KPRP: variants seen among roughly 807,000 people sequenced by gnomAD.
The protein encoded by KPRP is keratinocyte proline rich protein, also known as keratinocyte proline-rich protein.
For missense variants in KPRP, 820 were observed against 746.4 expected (o/e 1.10, Z -1.15); for synonymous variants, 282 against 276.9 (o/e 1.02, Z -0.18).
At position 152,760,016 on chromosome 1, in the gene KPRP, CT is replaced by C; in HGVS notation, c.430del (p.Cys144ValfsTer3). 1 of 1,614,174 alleles carries C rather than the reference CT, an allele frequency of 6.2e-7. No individual in the cohort carries two copies. Among genetic ancestry groups the C allele is most frequent in the Non-Finnish European group, 8.5e-7 (1 of 1,180,030 alleles). On this transcript the variant is annotated frameshift_variant, in exon 1 of 1. Coordinates refer to ENST00000606109, the Ensembl canonical transcript of KPRP. LOFTEE classifies it low-confidence loss of function (END_TRUNC). The stretch of plus-strand genomic sequence containing the variant: ...TGTGCTCCAGTTTGTTATACAGAAA[CT>C]TGTTATGTAGAATGCCCAGTCCAGA...
chr1:152,761,482 A>ACC, exon 1 of KPRP: 3 of 1,383,058 alleles, frequency 2.2e-6, no homozygotes, highest in Admixed American at 2.9e-5. Flanking sequence ...CCTATCATCC[A>ACC]AAGATCCACA....
exon 1 of KPRP, chr1:152,761,631 C>A: frequency 3.1e-6 from 1 of 319,108 alleles, no homozygotes; most frequent in Non-Finnish European, 6.2e-6. Context: ...TGCCTCCAAG[C>A]CTCTGCTCAC....
chr1:152,760,707 C>G (rs111350576), exon 1 of KPRP: 2 of 1,613,678 alleles, frequency 1.2e-6, no homozygotes, highest in Non-Finnish European at 1.7e-6. Context: ...TGAGGCCACA[C>G]GTAGAGCCAC....
At chr1:152,760,104 C>T in exon 1 of KPRP, 1 of 1,614,160 alleles carries the variant, frequency 6.2e-7, no homozygotes, top group South Asian at 1.1e-5. Flanking sequence ...CTGCAGTGTG[C>T]CAGCCTCAGG....
At chr1:152,760,645 C>G (rs748914180) in exon 1 of KPRP, 10 of 1,610,994 alleles carry the variant, frequency 6.2e-6, no homozygotes, top group Admixed American at 3.3e-5. Context: ...CATCAGACGC[C>G]GCTCCCAGAG....
exon 1 of KPRP, chr1:152,760,706 A>T (rs756020108): frequency 6.2e-7 from 1 of 1,613,840 alleles, no homozygotes; most frequent in Non-Finnish European, 8.5e-7. Flanking sequence ...CTGAGGCCAC[A>T]CGTAGAGCCA....
rs545233716 is a variant in KPRP at position 152,761,247 on chromosome 1, G to GC, written c.1660dup (p.Arg554ProfsTer31). ...GTGGGCCTGGTGATGTGTTTCCAGA[G>GC]CGGAGGGGTCAGGATGGCCATGGAG... On this transcript the variant is annotated frameshift_variant, in exon 1 of 1. Transcript: ENST00000606109. LOFTEE classifies it low-confidence loss of function (END_TRUNC). 2.3e-3 allele frequency: 3,693 copies of GC among 1,614,202 alleles called. 11 individuals are homozygous for GC. The highest frequency in any genetic ancestry group is 6.5e-3 in the South Asian group (589 of 91,088).
chr1:152,761,428 A>G (rs1284987442), exon 1 of KPRP: 2 of 1,472,866 alleles, frequency 1.4e-6, no homozygotes, highest in East Asian at 2.4e-5. Context: ...CTCCAAAGAT[A>G]TTCAGAGACT....
exon 1 of KPRP, chr1:152,760,262 C>T (rs779368488): frequency 6.2e-7 from 1 of 1,614,042 alleles, no homozygotes. Context: ...CGGTCCCGGA[C>T]TTCATTTAGT....
exon 1 of KPRP, chr1:152,761,111 C>T: frequency 6.2e-7 from 1 of 1,614,172 alleles, no homozygotes; most frequent in Non-Finnish European, 8.5e-7. Flanking sequence ...AATCCAGTTC[C>T]ATACCCAGGA....
At chr1:152,760,253 G>C (rs1242733211) in exon 1 of KPRP, 3 of 1,613,994 alleles carry the variant, frequency 1.9e-6, no homozygotes, top group Non-Finnish European at 2.5e-6. Flanking sequence ...CCTCAGTATC[G>C]GTCCCGGACT....
Position 152,760,007 on chromosome 1 carries a change from A to T in KPRP, c.419A>T (p.Tyr140Phe), listed in dbSNP as rs538446338. 2 of 1,614,060 alleles carry T rather than the reference A, an allele frequency of 1.2e-6. No homozygotes were observed. Among genetic ancestry groups the T allele is most frequent in the African/African-American group, 2.7e-5 (2 of 74,910 alleles). The change falls in exon 1 of 1, where the codon TAT becomes TTT. Residue 140 changes from tyrosine to phenylalanine, a missense_variant. Transcript: ENST00000606109. The stretch of plus-strand genomic sequence containing the variant: ...TTCGTAGAATGTGCTCCAGTTTGTT[A>T]TACAGAAACTTGTTATGTAGAATGC...
At chr1:152,760,009 A>C in exon 1 of KPRP, 2 of 1,614,174 alleles carry the variant, frequency 1.2e-6, no homozygotes, top group Non-Finnish European at 1.7e-6. Flanking sequence ...AGTTTGTTAT[A>C]CAGAAACTTG....
rs761104489 is a variant in KPRP, at chr1:152,760,666, C to T, written c.1078C>T (p.Gln360Ter). 1.9e-6 allele frequency: 3 copies of T among 1,612,160 alleles called. No individual in the cohort carries two copies. Among genetic ancestry groups the T allele is most frequent in the South Asian group, 2.2e-5 (2 of 91,090 alleles). The stretch of plus-strand genomic sequence containing the variant: ...ACGCCGCTCCCAGAGCTGTGGCCCG[C>T]AGCCCTCCTGGGGCGCCTCCTGCCC... The change falls in exon 1 of 1, where the codon CAG (glutamine) becomes TAG (stop). Residue 360 changes from glutamine (Q) to a stop codon, truncating the protein, a stop_gained. Coordinates refer to ENST00000606109, the Ensembl canonical transcript of KPRP. LOFTEE classifies it low-confidence loss of function (END_TRUNC).
chr1:152,760,140 T>A lies in KPRP; in HGVS notation c.552T>A (p.Tyr184Ter), dbSNP rs1457707566. 6.2e-7 allele frequency: 1 copy of A among 1,614,096 alleles called. No homozygotes were observed. Among genetic ancestry groups the A allele is most frequent in the East Asian group, 2.2e-5 (1 of 44,866 alleles). ...GAAGATTCTCCACCCAGTGCCAGTA[T>A]CAAGGCTCCTATAGCAGTTGTGGCC... The change falls in exon 1 of 1, where the codon TAT becomes TAA. Residue 184 changes from tyrosine (Y) to a stop codon, truncating the protein, a stop_gained. Coordinates refer to ENST00000606109, the Ensembl canonical transcript of KPRP. LOFTEE classifies it low-confidence loss of function (END_TRUNC).
exon 1 of KPRP, chr1:152,761,817 T>C (rs536277652): frequency 7.1e-4 from 122 of 171,100 alleles, no homozygotes; most frequent in Non-Finnish European, 1.5e-3. Context: ...CCTGGTGACA[T>C]CTCTTGAATT....
chr1:152,759,576 C>T, exon 1 of KPRP: 1 of 1,609,430 alleles, frequency 6.2e-7, no homozygotes, highest in Non-Finnish European at 8.5e-7. Context: ...TCTTGACTGG[C>T]TGCATCAGGA....
In KPRP at chr1:152,760,981, C is replaced by T. The variant is rs1651105629; in HGVS notation, c.1393C>T (p.Gln465Ter). 5.0e-6 allele frequency: 8 copies of T among 1,612,012 alleles called. No individual in the cohort carries two copies. The East Asian group carries it at 1.8e-4, about 36-fold the overall frequency. ...GATTCCAGAGCCACGTCCATGCCTGCAGCCCTGTGAGCACCCAGAGCCTTG... is the reference window on the plus strand; with the variant it reads ...GATTCCAGAGCCACGTCCATGCCTGTAGCCCTGTGAGCACCCAGAGCCTTG... Residue 465 changes from glutamine to a stop codon, truncating the protein, a stop_gained, in exon 1 of 1, where the codon CAG (glutamine) becomes TAG (stop). Transcript: ENST00000606109. LOFTEE classifies it low-confidence loss of function (END_TRUNC).
chr1:152,759,455 GAGGGTGGAGGAAGAAA>G (rs1377793717), upstream of KPRP: 1 of 1,404,702 alleles, frequency 7.1e-7, no homozygotes, highest in Non-Finnish European at 9.4e-7. Flanking sequence ...GATGAAAGTT[GAGGGTGGAGGAAGAAA>G]AGCTAGGGAA....
Sources: gnomAD v4.1 joint callset for allele counts on GRCh38, gnomAD v4.1.1 for gene constraint, MANE v1.5 for transcripts, NCBI Gene and HGNC (gene_info 2026-07-23, HGNC 2026-07-21) for gene names.